PIEZO2: variants seen among roughly 807,000 people sequenced by gnomAD.
PIEZO2 encodes the protein piezo-type mechanosensitive ion channel component 2.
PIEZO2 carries 172 observed loss-of-function variants against 337.3 expected under a neutral mutation model. The ratio of observed to expected loss-of-function variants is 0.51; its 90% CI spans 0.45 to 0.58. The LOEUF (loss-of-function observed/expected upper bound fraction) is 0.58. PIEZO2 is among the 20% of genes least tolerant of loss of function. The pLI is 0.00. For synonymous variants in PIEZO2, 1,251 were observed against 1,228.5 expected, an observed-to-expected ratio of 1.02 and a Z score of -0.38; for missense variants, 3,028 against 3,391.3, an observed-to-expected ratio of 0.89 and a Z score of 2.66.
intron 47 of PIEZO2, among the ~76,000 whole-genome samples, chr18:10,693,703 C>A (rs1464480224): frequency 1.3e-5 from 2 of 150,898 alleles, no homozygotes; most frequent in Admixed American, 1.3e-4. Context: ...ATTTTGCTGG[C>A]CTGGGATTAG....
chr18:10,761,612 C>T (rs2038137765), intron 23 of PIEZO2, among the ~76,000 whole-genome samples: 1 of 152,164 alleles, frequency 6.6e-6, no homozygotes, highest in Non-Finnish European at 1.5e-5. Context: ...AACTATTATT[C>T]AAGATAATGA....
At chr18:10,912,450 T>C (rs1315042491) in intron 3 of PIEZO2, among the ~76,000 whole-genome samples, 1 of 152,144 alleles carries the variant, frequency 6.6e-6, no homozygotes, top group East Asian at 1.9e-4. Context: ...ACTAGGTGCT[T>C]GATAATCACA....
chr18:10,817,560 G>T (rs2040397806), intron 7 of PIEZO2, among the ~76,000 whole-genome samples: 1 of 152,086 alleles, frequency 6.6e-6, no homozygotes, highest in South Asian at 2.1e-4. Context: ...ACCTTCTAAA[G>T]TTCTTCCGTG....
At position 11,031,171 on chromosome 18, in the gene PIEZO2, T is replaced by TTC. The variant is rs1407512525; in HGVS notation, c.160+34955_160+34956insGA. On this transcript the variant is annotated intron_variant, in intron 2 of 55. Coordinates refer to ENST00000674853, the MANE Select transcript of PIEZO2 (RefSeq NM_001378183.1). The surrounding 1 kb of genome is among the most constrained non-coding windows in gnomAD (Gnocchi z 4.7). The stretch of plus-strand genomic sequence containing the variant: ...TGCCTGGCTAATTTTTTTGTATTTT[T>TTC]TTTTTTTTTAGTGGAGATGGGATTT... Among the ~76,000 whole-genome samples, 2 of 151,700 alleles carry TTC rather than the reference T, an allele frequency of 1.3e-5. No individual in the cohort carries two copies. The highest frequency in any genetic ancestry group is 4.8e-5 in the African/African-American group (2 of 41,260).
At chr18:10,957,171 G>A (rs1374542694) in intron 3 of PIEZO2, among the ~76,000 whole-genome samples, 2 of 151,672 alleles carry the variant, frequency 1.3e-5, no homozygotes, top group Non-Finnish European at 2.9e-5. Context: ...GGCTGAGGTG[G>A]GTGGATCATG....
In PIEZO2 at chr18:10,824,455, T is replaced by C. The variant is rs2040609686; in HGVS notation, c.918-17181A>G. Among the ~76,000 whole-genome samples the C allele has an allele frequency of 6.6e-6, 1 of 152,228 alleles. No individual in the cohort carries two copies. The highest frequency in any genetic ancestry group is 1.5e-5 in the Non-Finnish European group (1 of 68,044). ...TTCATGTTTATTTAAGGATATTTGT[T>C]GGCTATGAACAGTAATAGTGCAAAG... On this transcript the variant is annotated intron_variant, in intron 7 of 55. Coordinates refer to ENST00000674853, the MANE Select transcript of PIEZO2 (RefSeq NM_001378183.1). This position sits in a 1 kb window ranked among gnomAD's most constrained non-coding sequence, Gnocchi z 4.4.
chr18:10,724,647 T>A lies in PIEZO2; in HGVS notation c.5030-6388A>T. On this transcript the variant is annotated intron_variant, in intron 36 of 55. Coordinates refer to ENST00000674853, the MANE Select transcript of PIEZO2 (RefSeq NM_001378183.1). This position sits in a 1 kb window ranked among gnomAD's most constrained non-coding sequence, Gnocchi z 5.8. The stretch of plus-strand genomic sequence containing the variant: ...TGCTGGACTCGGGGTCTCAGGCGTA[T>A]GATCAGGCACCCACCAGCCCACCTA... The A allele has an allele frequency of 1.3e-6, 1 of 759,436 alleles. No individual in the cohort carries two copies. Among genetic ancestry groups the A allele is most frequent in the Admixed American group, 2.5e-5 (1 of 40,302 alleles). The allele number at this position is 759,436 out of a possible 1,614,324, so 47.0% of individuals were successfully genotyped here.
intron 1 of PIEZO2, among the ~76,000 whole-genome samples, chr18:11,074,626 G>GA (rs2038465456): frequency 6.6e-6 from 1 of 152,136 alleles, no homozygotes; most frequent in Non-Finnish European, 1.5e-5. Context: ...TTCTAAAGAT[G>GA]AAAGATGGTG....
rs78982988 is a variant in PIEZO2, at chr18:11,113,558, G to A, written c.64+34967C>T. ...GCCTTGTTCACTCCTGCAATCCTCC[G>A]TATAACAGAAAAGCCCTTTCTTACA... is the stretch of plus-strand genomic sequence containing the variant. On this transcript the variant is annotated intron_variant, in intron 1 of 55. Transcript: ENST00000674853. Among the ~76,000 whole-genome samples, 1,502 of 152,160 alleles carry A rather than the reference G, an allele frequency of 9.9e-3. 16 individuals are homozygous for A. The highest frequency in any genetic ancestry group is 0.028 in the African/African-American group (1,150 of 41,510).
rs1349023693 is a variant in PIEZO2, at chr18:10,969,649, T to TA, written c.286+9885dup. On this transcript the variant is annotated intron_variant, in intron 3 of 55. Coordinates refer to ENST00000674853, the MANE Select transcript of PIEZO2 (RefSeq NM_001378183.1). The surrounding 1 kb of genome is among the most constrained non-coding windows in gnomAD (Gnocchi z 4.5). ...TTGATAAATAGTTTCTAAAGAGAAA[T>TA]AAAACACGTCATTCTAATATTTCTT... Among the ~76,000 whole-genome samples the TA allele has an allele frequency of 5.9e-5, 9 of 152,066 alleles. No individual in the cohort carries two copies. Among genetic ancestry groups the TA allele is most frequent in the African/African-American group, 1.9e-4 (8 of 41,402 alleles).
Position 11,148,020 on chromosome 18 carries a change from C to A in PIEZO2, c.64+505G>T, listed in dbSNP as rs1403714393. On this transcript the variant is annotated intron_variant, in intron 1 of 55. Transcript: ENST00000674853. The surrounding 1 kb of genome is among the most constrained non-coding windows in gnomAD (Gnocchi z 5.2). ...GTCAAGGCACTGTCTCCCTGTACCTCGTCCCTCTTTTTCTTTTTTGAATGA... is the reference window on the plus strand; with the variant it reads ...GTCAAGGCACTGTCTCCCTGTACCTAGTCCCTCTTTTTCTTTTTTGAATGA... Among the ~76,000 whole-genome samples the A allele has an allele frequency of 1.3e-5, 2 of 152,212 alleles. No homozygotes were observed. Among genetic ancestry groups the A allele is most frequent in the African/African-American group, 4.8e-5 (2 of 41,458 alleles).
Position 11,117,577 on chromosome 18 carries a change from C to T in PIEZO2, c.64+30948G>A, listed in dbSNP as rs74492114. On this transcript the variant is annotated intron_variant, in intron 1 of 55. Transcript: ENST00000674853. ...CACCAAGTTCGTTTAGAATGTTTTC[C>T]GAAACTTTTACTCATCACCTACATC... is the stretch of plus-strand genomic sequence containing the variant. Among the ~76,000 whole-genome samples the T allele has an allele frequency of 4.5e-3, 686 of 152,246 alleles. 5 individuals are homozygous for T. The highest frequency in any genetic ancestry group is 0.016 in the African/African-American group (659 of 41,540).
Position 10,888,695 on chromosome 18 carries a change from G to T in PIEZO2, c.330-17280C>A, listed in dbSNP as rs563389470. Among the ~76,000 whole-genome samples the T allele has an allele frequency of 6.6e-6, 1 of 151,946 alleles. No individual in the cohort carries two copies. Among genetic ancestry groups the T allele is most frequent in the African/African-American group, 2.4e-5 (1 of 41,440 alleles). On this transcript the variant is annotated intron_variant, in intron 4 of 55. Transcript: ENST00000674853. The surrounding 1 kb of genome is among the most constrained non-coding windows in gnomAD (Gnocchi z 4.1). Reference sequence around the variant, plus strand: ...CAGGATTCTTTCTAGCCTCTGCTTTGTAAATCTTTGCTCTGATAGTGACAA... The same window carrying T: ...CAGGATTCTTTCTAGCCTCTGCTTTTTAAATCTTTGCTCTGATAGTGACAA...
chr18:10,836,395 A>C (rs925859473), intron 7 of PIEZO2, among the ~76,000 whole-genome samples: 4 of 150,690 alleles, frequency 2.7e-5, no homozygotes, highest in Non-Finnish European at 5.9e-5. Context: ...CTCCCTCTCC[A>C]CTCCTGTCTC....
Position 10,723,845 on chromosome 18 carries a change from C to T in PIEZO2, c.5030-5586G>A, listed in dbSNP as rs565702882. Among the ~76,000 whole-genome samples, 5 of 152,274 alleles carry T rather than the reference C, an allele frequency of 3.3e-5. No individual in the cohort carries two copies. In the East Asian group the frequency reaches 9.7e-4, roughly 29 times the overall value. ...CCCTCTGCTCCCCAAAAGCAGATTC[C>T]AATTTGGATTTCAACAGATGGCTCA... On this transcript the variant is annotated intron_variant, in intron 36 of 55. Coordinates refer to ENST00000674853, the MANE Select transcript of PIEZO2 (RefSeq NM_001378183.1).
Position 10,775,079 on chromosome 18 carries a change from G to A in PIEZO2, c.2535-1041C>T, listed in dbSNP as rs1388150213. ...ATCATTCAAACAATTCCCTTGCACA[G>A]GATGTCCAGCAGGTAAATGATAGTA... On this transcript the variant is annotated intron_variant, in intron 18 of 55. Coordinates refer to ENST00000674853, the MANE Select transcript of PIEZO2 (RefSeq NM_001378183.1). This position sits in a 1 kb window ranked among gnomAD's most constrained non-coding sequence, Gnocchi z 4.3. 6.6e-6 allele frequency among the ~76,000 whole-genome samples: 1 copy of A among 152,176 alleles called. No individual in the cohort carries two copies. Among genetic ancestry groups the A allele is most frequent in the African/African-American group, 2.4e-5 (1 of 41,436 alleles).
intron 1 of PIEZO2, among the ~76,000 whole-genome samples, chr18:11,113,105 T>C (rs929664020): frequency 7.2e-5 from 11 of 152,208 alleles, no homozygotes; most frequent in African/African-American, 2.7e-4. Context: ...AGGGGCAATG[T>C]TGAACTTGAC....
chr18:10,752,506 G>C, intron 28 of PIEZO2, 130 bp downstream of exon 28: 1 of 1,150,310 alleles, frequency 8.7e-7, no homozygotes, highest in South Asian at 1.6e-5. Context: ...TTTGAATTCT[G>C]AATTTGCAGC....
chr18:10,989,470 G>A (rs143763537), intron 2 of PIEZO2, among the ~76,000 whole-genome samples: 1,693 of 149,188 alleles, frequency 0.011, 32 homozygotes, highest in African/African-American at 0.038. Flanking sequence ...AAAGCAATAC[G>A]CAAAAACATA....
Sources: allele counts gnomAD v4.1 joint callset (sites outside exome capture counted in the v4.1 genomes callset), GRCh38; gene constraint gnomAD v4.1.1; non-coding constraint Gnocchi (gnomAD v3.1); transcripts MANE v1.5; gene names NCBI Gene and HGNC (gene_info 2026-07-23, HGNC 2026-07-21).